Variants in RP1 observed in about 807,000 individuals in gnomAD.
RP1 encodes the protein oxygen-regulated protein 1.
In RP1, 16 loss-of-function variants were observed where a neutral mutation model predicts 14.8. The ratio of observed to expected loss-of-function variants is 1.08; its 90% CI spans 0.73 to 1.65. The LOEUF is 1.65. RP1 is among the 40% of genes most tolerant of loss of function. RP1 has a pLI of 0.00. For missense variants in RP1, 2,631 were observed against 2,535.0 expected (o/e 1.04, Z -0.81); for synonymous variants, 876 against 883.6 (o/e 0.99, Z 0.15).
chr8:54,754,252 G>A (rs967255103), intron 19 of RP1, among the ~76,000 whole-genome samples: 3 of 152,040 alleles, frequency 2.0e-5, no homozygotes, highest in African/African-American at 4.8e-5. Flanking sequence ...CACTTAAAAG[G>A]CATTCACTTT....
At chr8:54,576,783 G>A (rs1214899642) in intron 1 of RP1, among the ~76,000 whole-genome samples, 3 of 152,150 alleles carry the variant, frequency 2.0e-5, no homozygotes, top group South Asian at 4.1e-4. Context: ...AAATTCATGG[G>A]TTTTGTTTTC....
At chr8:54,856,309 G>A (rs1446660688) in intron 26 of RP1, among the ~76,000 whole-genome samples, 2 of 152,092 alleles carry the variant, frequency 1.3e-5, no homozygotes, top group Admixed American at 6.5e-5. Flanking sequence ...ACTGAGAGGG[G>A]CATGTTGGGG....
At chr8:54,829,634 C>A (rs893301726) in intron 24 of RP1, among the ~76,000 whole-genome samples, 2 of 150,982 alleles carry the variant, frequency 1.3e-5, no homozygotes, top group African/African-American at 4.9e-5. Context: ...TATTTGACAC[C>A]ATTTTACCTC....
chr8:54,853,612 C>A (rs943409501), intron 26 of RP1, among the ~76,000 whole-genome samples: 5 of 151,916 alleles, frequency 3.3e-5, no homozygotes, highest in Non-Finnish European at 5.9e-5. Flanking sequence ...TAAGGCAAGA[C>A]CTCTAAATAA....
chr8:54,766,887 A>G (rs1441869726), intron 22 of RP1, among the ~76,000 whole-genome samples: 2 of 152,172 alleles, frequency 1.3e-5, no homozygotes, highest in Non-Finnish European at 2.9e-5. Flanking sequence ...TGGTCAAGCA[A>G]CCTTCTCGTG....
chr8:54,700,775 A>G (rs1206383872), intron 13 of RP1, among the ~76,000 whole-genome samples: 2 of 152,166 alleles, frequency 1.3e-5, no homozygotes, highest in African/African-American at 4.8e-5. Flanking sequence ...TTCATCTGGT[A>G]TGGTGGGCCT....
At chr8:54,567,661 TA>T (rs1804437004) in intron 1 of RP1, among the ~76,000 whole-genome samples, 1 of 152,190 alleles carries the variant, frequency 6.6e-6, no homozygotes, top group South Asian at 2.1e-4. Context: ...TTTTGTGTGG[TA>T]GAAAACCTCT....
rs1039884700 is a variant in RP1, at chr8:54,791,354, G to A, written c.3615+7644G>A. On this transcript the variant is annotated intron_variant, in intron 24 of 28. Coordinates refer to the RP1 transcript ENST00000637698. ...AGAAATACTCAAGGAAGTTCATCAA[G>A]TTGAAATGAAAAGACACTAATTAAC... Among the ~76,000 whole-genome samples the A allele has an allele frequency of 3.9e-5, 6 of 152,018 alleles. No individual in the cohort carries two copies. The East Asian group carries it at 1.2e-3, about 29-fold the overall frequency.
chr8:54,604,974 CT>C, intron 1 of RP1, among the ~76,000 whole-genome samples: 1 of 152,164 alleles, frequency 6.6e-6, no homozygotes. Flanking sequence ...TTTTGTTGAT[CT>C]TTTCAAAAAA....
At chr8:54,803,107 C>G (rs930016627) in intron 24 of RP1, among the ~76,000 whole-genome samples, 1 of 152,106 alleles carries the variant, frequency 6.6e-6, no homozygotes, top group African/African-American at 2.4e-5. Context: ...ATCTTCTCAA[C>G]TTGCCTGGAA....
intron 3 of RP1, among the ~76,000 whole-genome samples, chr8:54,638,716 A>G (rs1209136773): frequency 6.6e-6 from 1 of 152,072 alleles, no homozygotes; most frequent in Non-Finnish European, 1.5e-5. Flanking sequence ...TGTTTTTGCT[A>G]CACTAGGCAT....
intron 3 of RP1, among the ~76,000 whole-genome samples, chr8:54,624,259 A>G (rs1429888738): frequency 6.6e-6 from 1 of 152,046 alleles, no homozygotes; most frequent in East Asian, 1.9e-4. Context: ...CCTGGCCAAC[A>G]TGGTGAAAAC....
chr8:54,640,093 C>T (rs1436592398), intron 3 of RP1, among the ~76,000 whole-genome samples: 1 of 149,202 alleles, frequency 6.7e-6, no homozygotes, highest in Non-Finnish European at 1.5e-5. Context: ...TACTTTGGGT[C>T]TATTTGTCCC....
chr8:54,828,786 G>A (rs1411951334), intron 24 of RP1, among the ~76,000 whole-genome samples: 2 of 150,634 alleles, frequency 1.3e-5, no homozygotes, highest in Non-Finnish European at 2.9e-5. Context: ...TGTTCTCTAC[G>A]ACATTATGAC....
chr8:54,867,789 G>C (rs1812492256), intron 28 of RP1, among the ~76,000 whole-genome samples: 1 of 152,164 alleles, frequency 6.6e-6, no homozygotes, highest in Admixed American at 6.5e-5. Context: ...TATTGTATCT[G>C]CACAGTCCAA....
At chr8:54,585,648 T>G (rs1415558798) in intron 1 of RP1, among the ~76,000 whole-genome samples, 1 of 152,226 alleles carries the variant, frequency 6.6e-6, no homozygotes, top group African/African-American at 2.4e-5. Context: ...AAGAGGTAGA[T>G]TTGGTCTTTT....
chr8:54,656,652 T>C (rs1380002316), intron 6 of RP1, among the ~76,000 whole-genome samples: 3 of 151,316 alleles, frequency 2.0e-5, no homozygotes, highest in African/African-American at 7.3e-5. Flanking sequence ...AAAGCAGAGA[T>C]GTGTTCAAGC....
intron 1 of RP1, among the ~76,000 whole-genome samples, chr8:54,587,533 C>T (rs770185652): frequency 1.6e-4 from 25 of 152,116 alleles, no homozygotes; most frequent in Non-Finnish European, 2.2e-4. Context: ...GAAAATCCTC[C>T]CTCTAATACT....
At chr8:54,607,819 C>T (rs1294583764) in intron 1 of RP1, among the ~76,000 whole-genome samples, 2 of 152,206 alleles carry the variant, frequency 1.3e-5, no homozygotes, top group African/African-American at 4.8e-5. Context: ...GAGCGAGGCT[C>T]TGTGGGCATA....
Sources: allele counts gnomAD v4.1 joint callset (sites outside exome capture counted in the v4.1 genomes callset), GRCh38; gene constraint gnomAD v4.1.1; transcripts MANE v1.5; gene names NCBI Gene and HGNC (gene_info 2026-07-23, HGNC 2026-07-21).